LAMP3: variants seen among roughly 807,000 people sequenced by gnomAD.
LAMP3 encodes lysosome associated membrane protein 3.
In LAMP3, 26 loss-of-function variants were observed where a neutral mutation model predicts 34.8. The observed-to-expected ratio is 0.75, with a 90% CI of 0.55 to 1.04. The LOEUF (loss-of-function observed/expected upper bound fraction) is 1.04, where lower values mean the gene tolerates loss of function less well. Among genes scored for constraint, LAMP3 ranks in the 50% least tolerant of loss-of-function variants. The pLI is 0.00. For synonymous variants in LAMP3, 180 were observed against 201.9 expected (o/e 0.89, Z 0.92); for missense variants, 495 against 524.0 (o/e 0.94, Z 0.54).
chr3:183,160,522 C>T (rs1720946049), intron 1 of LAMP3, among the ~76,000 whole-genome samples: 1 of 152,180 alleles, frequency 6.6e-6, no homozygotes, highest in South Asian at 2.1e-4. Context: ...AGTCACTGTG[C>T]CCAGCCAAGG....
chr3:183,144,305 C>T (rs1349780465), intron 3 of LAMP3, among the ~76,000 whole-genome samples: 1 of 152,114 alleles, frequency 6.6e-6, no homozygotes, highest in Non-Finnish European at 1.5e-5. Context: ...GGGGTGAGCA[C>T]TAGAGAAGAG....
intron 3 of LAMP3, among the ~76,000 whole-genome samples, chr3:183,150,565 C>CTTTTTTTTTTTTTTTTTT (rs10665288): frequency 3.5e-5 from 3 of 86,092 alleles, no homozygotes; most frequent in Admixed American, 1.5e-4. Flanking sequence ...GCCAAAGTGA[C>CTTTTTTTTTTTTTTTTTT]TTTTTTTTTT....
chr3:183,156,020 T>C (rs1370257530), intron 1 of LAMP3, among the ~76,000 whole-genome samples: 1 of 152,210 alleles, frequency 6.6e-6, no homozygotes, highest in African/African-American at 2.4e-5. Context: ...AACAGGTCTA[T>C]CCTTGCCTCC....
rs1303789240 is a variant in LAMP3 at position 183,123,111 on chromosome 3, T to C, written c.*970A>G. ...TTATTATTGTCTCTTGCTTATTGTT[T>C]AGTTCTACCATCTGTAGCCACCTAA... On this transcript the variant is annotated 3_prime_UTR_variant, in exon 6 of 6. Coordinates refer to ENST00000265598, the MANE Select transcript of LAMP3 (RefSeq NM_014398.4). 6.6e-6 allele frequency: 1 copy of C among 152,250 alleles called. No homozygotes were observed. 9.4% of individuals were successfully genotyped at this position (152,250 alleles called of 1,614,324 possible).
At chr3:183,134,569 G>A (rs1162133182) in intron 5 of LAMP3, among the ~76,000 whole-genome samples, 1 of 152,134 alleles carries the variant, frequency 6.6e-6, no homozygotes, top group Admixed American at 6.5e-5. Context: ...TCCAACACTA[G>A]CATTTTTGAG....
chr3:183,136,670 AC>A (rs67781617), intron 4 of LAMP3, among the ~76,000 whole-genome samples: 9 of 149,684 alleles, frequency 6.0e-5, no homozygotes, highest in Admixed American at 4.0e-4. Flanking sequence ...AAAAAAAAAA[AC>A]AACTCATTAG....
chr3:183,143,562 T>C (rs890601552), intron 3 of LAMP3, among the ~76,000 whole-genome samples: 4 of 152,168 alleles, frequency 2.6e-5, no homozygotes, highest in Non-Finnish European at 5.9e-5. Flanking sequence ...GTCCTACACA[T>C]CTCTTCTGAC....
chr3:183,144,464 T>C (rs1236557586), intron 3 of LAMP3, among the ~76,000 whole-genome samples: 1 of 152,092 alleles, frequency 6.6e-6, no homozygotes, highest in African/African-American at 2.4e-5. Flanking sequence ...GAAGGGGGAA[T>C]TTCACAGGGT....
rs1219941532 is a variant in LAMP3, at chr3:183,122,422, T to C, written c.*1659A>G. 1.3e-5 allele frequency: 2 copies of C among 152,242 alleles called. No individual in the cohort carries two copies. The highest frequency in any genetic ancestry group is 3.9e-4 in the East Asian group (2 of 5,178). 9.4% of individuals were successfully genotyped at this position (152,242 alleles called of 1,614,324 possible). A position where few individuals can be genotyped will look rare whatever the true frequency, so the allele number is the denominator to read the frequency against. ...AACATCCTGACTTAGTTCCTTTCTTTAGCAGCAAAAAAAACAGCAGAAATA... is the reference window on the plus strand; with the variant it reads ...AACATCCTGACTTAGTTCCTTTCTTCAGCAGCAAAAAAAACAGCAGAAATA... On this transcript the variant is annotated 3_prime_UTR_variant, in exon 6 of 6. Coordinates refer to ENST00000265598, the MANE Select transcript of LAMP3 (RefSeq NM_014398.4).
chr3:183,151,718 G>T (rs536224801), intron 3 of LAMP3, among the ~76,000 whole-genome samples: 1 of 151,414 alleles, frequency 6.6e-6, no homozygotes. Context: ...GTGAGCCACC[G>T]CACCCAGCTG....
intron 3 of LAMP3, among the ~76,000 whole-genome samples, chr3:183,144,238 C>A (rs1027266283): frequency 6.6e-6 from 1 of 152,138 alleles, no homozygotes; most frequent in African/African-American, 2.4e-5. Flanking sequence ...TAGATTTTCT[C>A]CTTCATTGAT....
chr3:183,153,538 T>C (rs906248269), intron 2 of LAMP3, 144 bp downstream of exon 2: 1 of 544,006 alleles, frequency 1.8e-6, no homozygotes, highest in African/African-American at 1.9e-5. Context: ...AATCACCTTT[T>C]AATGGAGCAC....
intron 4 of LAMP3, among the ~76,000 whole-genome samples, chr3:183,139,193 C>G (rs892151242): frequency 6.6e-6 from 1 of 152,026 alleles, no homozygotes; most frequent in African/African-American, 2.4e-5. Flanking sequence ...TGTTTGAAAC[C>G]AGCCTGACCA....
chr3:183,149,493 C>T (rs1298183), intron 3 of LAMP3, among the ~76,000 whole-genome samples: 141 of 136,982 alleles, frequency 1.0e-3, no homozygotes, highest in Non-Finnish European at 6.7e-4. Flanking sequence ...TGCAGTGAGC[C>T]GAGATCGCAC....
intron 1 of LAMP3, among the ~76,000 whole-genome samples, chr3:183,159,033 C>T (rs1363948385): frequency 2.6e-5 from 4 of 152,038 alleles, no homozygotes; most frequent in Non-Finnish European, 4.4e-5. Context: ...CCAGTAGCTG[C>T]GACTACAGGC....
chr3:183,141,297 G>A (rs939270793), intron 3 of LAMP3, among the ~76,000 whole-genome samples: 1 of 152,078 alleles, frequency 6.6e-6, no homozygotes, highest in Non-Finnish European at 1.5e-5. Context: ...AAAACCTAAA[G>A]CAGCACCCCC....
At chr3:183,162,022 T>G in intron 1 of LAMP3, 1 of 983,256 alleles carries the variant, frequency 1.0e-6, no homozygotes, top group Non-Finnish European at 1.2e-6. Context: ...AGTTCTCTCA[T>G]GACGTTCGAG....
intron 5 of LAMP3, chr3:183,132,646 G>A (rs1431338379): frequency 5.1e-6 from 5 of 985,294 alleles, no homozygotes; most frequent in Non-Finnish European, 6.0e-6. Context: ...GGAAGTAGGG[G>A]AGGTGCTGTT....
At chr3:183,125,893 T>C (rs1183948543) in intron 5 of LAMP3, among the ~76,000 whole-genome samples, 3 of 152,164 alleles carry the variant, frequency 2.0e-5, no homozygotes, top group South Asian at 4.1e-4. Flanking sequence ...CAGGCTGGTT[T>C]CAAACTCCTG....
Sources: gnomAD v4.1 joint callset for allele counts (sites outside exome capture counted in the v4.1 genomes callset) on GRCh38, gnomAD v4.1.1 for gene constraint, MANE v1.5 for transcripts, NCBI Gene and HGNC (gene_info 2026-07-23, HGNC 2026-07-21) for gene names.